SHISA9: variants seen among roughly 807,000 people sequenced by gnomAD.
The protein encoded by SHISA9 is shisa family member 9.
In SHISA9, 13 loss-of-function variants were observed where a neutral mutation model predicts 38.0. The ratio of observed to expected loss-of-function variants is 0.34; its 90% CI spans 0.22 to 0.54. The LOEUF (loss-of-function observed/expected upper bound fraction) is 0.54. Ranked by LOEUF, SHISA9 falls within the 20% of genes least tolerant of loss-of-function variation. The probability of loss-of-function intolerance (pLI) is 0.91; values close to 1 mark genes in which losing one functional copy is unlikely to be tolerated. For missense variants in SHISA9, 538 were observed against 575.8 expected, an observed-to-expected ratio of 0.93 and a Z score of 0.67; for synonymous variants, 275 against 242.0, an observed-to-expected ratio of 1.14 and a Z score of -1.27.
chr16:13,011,770 C>T (rs1218976686), intron 2 of SHISA9, among the ~76,000 whole-genome samples: 1 of 152,178 alleles, frequency 6.6e-6, no homozygotes, highest in Non-Finnish European at 1.5e-5. Flanking sequence ...ATCCGCCTGC[C>T]TCGGCCTCCC....
At chr16:13,213,215 A>G (rs1387234094) in intron 3 of SHISA9, 38 bp from the exon 4 acceptor site, 1 of 1,547,964 alleles carries the variant, frequency 6.5e-7, no homozygotes, top group East Asian at 2.4e-5. Context: ...GTGCCCTGCA[A>G]ACAGATCATC....
At chr16:13,554,375 TTA>T in the SHISA9 span, among the ~76,000 whole-genome samples, 2 of 151,838 alleles carry the variant, frequency 1.3e-5, no homozygotes, top group African/African-American at 4.8e-5. Context: ...AACAGAGGAC[TTA>T]TATGCTACAA....
chr16:13,185,033 A>G lies in SHISA9; in HGVS notation c.692-18361A>G, dbSNP rs999782697. 9.8e-5 allele frequency among the ~76,000 whole-genome samples: 15 copies of G among 152,340 alleles called. No individual in the cohort carries two copies. In the South Asian group the frequency reaches 2.3e-3, roughly 23 times the overall value. ...CAAAAGAGCTGTAGCATTTTACATT[A>G]CCAACAGCAAGGTGCAAGAGTTTCA... On this transcript the variant is annotated intron_variant, in intron 2 of 4. Coordinates refer to ENST00000558583, the MANE Select transcript of SHISA9 (RefSeq NM_001145204.3).
At chr16:13,348,885 C>T in the SHISA9 span, among the ~76,000 whole-genome samples, 1 of 152,050 alleles carries the variant, frequency 6.6e-6, no homozygotes, top group Non-Finnish European at 1.5e-5. Context: ...GCCTCACCAG[C>T]TTGTTTTCTC....
chr16:13,121,020 G>A (rs1173776713), intron 2 of SHISA9, among the ~76,000 whole-genome samples: 1 of 152,018 alleles, frequency 6.6e-6, no homozygotes, highest in Non-Finnish European at 1.5e-5. Context: ...CTGCAGGGCT[G>A]GGCAGTAGTG....
At chr16:13,398,133 G>C in the SHISA9 span, among the ~76,000 whole-genome samples, 7 of 152,152 alleles carry the variant, frequency 4.6e-5, no homozygotes, top group Admixed American at 4.6e-4. Flanking sequence ...CTGCCTACTA[G>C]GGTCTTGGGT....
At chr16:12,931,788 A>T (rs1201673871) in intron 2 of SHISA9, among the ~76,000 whole-genome samples, 4 of 152,122 alleles carry the variant, frequency 2.6e-5, no homozygotes, top group Non-Finnish European at 5.9e-5. Context: ...TTGCTAGGTC[A>T]GATGAAGTTG....
chr16:13,403,218 G>A, the SHISA9 span, among the ~76,000 whole-genome samples: 1 of 152,140 alleles, frequency 6.6e-6, no homozygotes. Flanking sequence ...GTTCCATGAG[G>A]ATTTCTTGAT....
intron 2 of SHISA9, among the ~76,000 whole-genome samples, chr16:13,126,765 G>T (rs1394006827): frequency 1.3e-5 from 2 of 148,824 alleles, no homozygotes; most frequent in Non-Finnish European, 3.0e-5. Flanking sequence ...GAGAGAGAGG[G>T]AGAGAGAGCT....
intron 2 of SHISA9, among the ~76,000 whole-genome samples, chr16:13,152,573 T>A (rs2050508891): frequency 6.6e-6 from 1 of 152,190 alleles, no homozygotes; most frequent in African/African-American, 2.4e-5. Flanking sequence ...TGGATGTCAA[T>A]CATTTTCCAT....
intron 4 of SHISA9, among the ~76,000 whole-genome samples, chr16:13,230,920 A>G (rs1246568385): frequency 6.6e-6 from 1 of 152,016 alleles, no homozygotes; most frequent in African/African-American, 2.4e-5. Context: ...AGCAGTGAGG[A>G]TGACCAGAGG....
intron 2 of SHISA9, among the ~76,000 whole-genome samples, chr16:12,950,906 C>T (rs1359895782): frequency 6.9e-6 from 1 of 145,732 alleles, no homozygotes. Flanking sequence ...CTGCGCCCGG[C>T]CCTTTTAATT....
rs540590031 is a variant in SHISA9, at chr16:12,999,047, C to T, written c.691+82232C>T. 3.0e-3 allele frequency among the ~76,000 whole-genome samples: 454 copies of T among 152,210 alleles called. 3 individuals are homozygous for T. Among genetic ancestry groups the T allele is most frequent in the African/African-American group, 0.011 (438 of 41,530 alleles). On this transcript the variant is annotated intron_variant, in intron 2 of 4. Coordinates refer to ENST00000558583, the MANE Select transcript of SHISA9 (RefSeq NM_001145204.3). Reference sequence around the variant, plus strand: ...TGATGTGTGTTTCTGTTTAAAGACACCTTATTTGGTATATATTATTGGTTC... The same window carrying T: ...TGATGTGTGTTTCTGTTTAAAGACATCTTATTTGGTATATATTATTGGTTC...
At chr16:13,511,321 T>C in the SHISA9 span, among the ~76,000 whole-genome samples, 2 of 152,144 alleles carry the variant, frequency 1.3e-5, no homozygotes. Context: ...ATACCCAGAG[T>C]GAATAGAGAC....
chr16:13,343,779 G>T, the SHISA9 span, among the ~76,000 whole-genome samples: 5 of 152,038 alleles, frequency 3.3e-5, no homozygotes, highest in Non-Finnish European at 4.4e-5. Context: ...ATTATATTAG[G>T]CATCATGATC....
At chr16:13,400,184 G>A in the SHISA9 span, among the ~76,000 whole-genome samples, 41 of 152,268 alleles carry the variant, frequency 2.7e-4, no homozygotes, top group African/African-American at 9.1e-4. Context: ...ACAGGAAACT[G>A]GGGAATAAAT....
At chr16:13,405,748 A>G in the SHISA9 span, among the ~76,000 whole-genome samples, 6 of 152,098 alleles carry the variant, frequency 3.9e-5, no homozygotes, top group African/African-American at 1.4e-4. Flanking sequence ...TCCTGTTTTA[A>G]TGCACTTAGG....
intron 1 of SHISA9, among the ~76,000 whole-genome samples, chr16:12,914,736 C>T (rs2071232042): frequency 6.6e-6 from 1 of 152,204 alleles, no homozygotes; most frequent in African/African-American, 2.4e-5. Flanking sequence ...CGACAGTTCC[C>T]CATGCTTGGG....
chr16:13,118,171 G>T (rs2074049434), intron 2 of SHISA9, among the ~76,000 whole-genome samples: 1 of 140,554 alleles, frequency 7.1e-6, no homozygotes, highest in South Asian at 2.3e-4. Flanking sequence ...GACAGAGCGA[G>T]ACTTCGTCTA....
Sources: allele counts gnomAD v4.1 joint callset (sites outside exome capture counted in the v4.1 genomes callset), GRCh38; gene constraint gnomAD v4.1.1; transcripts MANE v1.5; gene names NCBI Gene and HGNC (gene_info 2026-07-23, HGNC 2026-07-21).